The following ZNF385D variants were observed in gnomAD, a reference collection of about 807,000 sequenced individuals.
ZNF385D encodes zinc finger protein 659.
Under a neutral mutation model 35.8 loss-of-function variants are expected in ZNF385D, and 15 were observed. That is an observed-to-expected ratio of 0.42 (90% CI 0.28 to 0.64). The LOEUF (loss-of-function observed/expected upper bound fraction) is 0.64, where lower values mean the gene tolerates loss of function less well. ZNF385D is among the 30% of genes least tolerant of loss of function. The probability of loss-of-function intolerance (pLI) is 0.23; values close to 1 mark genes in which losing one functional copy is unlikely to be tolerated. For missense variants in ZNF385D, 474 were observed against 494.6 expected (o/e 0.96, Z 0.39); for synonymous variants, 212 against 186.8 (o/e 1.13, Z -1.10).
chr3:22,100,241 T>C (rs1342576225), intron 3 of ZNF385D, among the ~76,000 whole-genome samples: 3 of 144,110 alleles, frequency 2.1e-5, no homozygotes, highest in Non-Finnish European at 4.5e-5. Flanking sequence ...GGTGGGACTG[T>C]AAACTAGTTC....
At chr3:21,933,620 T>C (rs1701119849) in intron 3 of ZNF385D, among the ~76,000 whole-genome samples, 1 of 152,166 alleles carries the variant, frequency 6.6e-6, no homozygotes, top group Non-Finnish European at 1.5e-5. Context: ...TTACTTTATA[T>C]TTGAGAAAAG....
intron 1 of ZNF385D, among the ~76,000 whole-genome samples, chr3:21,685,481 A>G (rs1429617125): frequency 6.6e-6 from 1 of 152,156 alleles, no homozygotes; most frequent in Non-Finnish European, 1.5e-5. Flanking sequence ...TTACATCTAC[A>G]TCACAGGTTT....
intron 3 of ZNF385D, among the ~76,000 whole-genome samples, chr3:21,784,901 A>G (rs1374059830): frequency 6.6e-6 from 1 of 152,032 alleles, no homozygotes; most frequent in East Asian, 1.9e-4. Context: ...TTTATCATGG[A>G]CTTTTTTGCA....
At chr3:21,519,319 A>C (rs931265628) in intron 3 of ZNF385D, among the ~76,000 whole-genome samples, 4 of 152,166 alleles carry the variant, frequency 2.6e-5, no homozygotes, top group Admixed American at 1.3e-4. Flanking sequence ...ATGGCTGTGA[A>C]AAAAATAGTC....
rs2062117074 is a variant in ZNF385D, at chr3:21,539,346, C to T, written c.276+25228G>A. 6.6e-6 allele frequency among the ~76,000 whole-genome samples: 1 copy of T among 152,134 alleles called. No homozygotes were observed. Among genetic ancestry groups the T allele is most frequent in the East Asian group, 1.9e-4 (1 of 5,196 alleles). On this transcript the variant is annotated intron_variant, in intron 3 of 7. Coordinates refer to ENST00000281523, the MANE Select transcript of ZNF385D (RefSeq NM_024697.3). This position sits in a 1 kb window ranked among gnomAD's most constrained non-coding sequence, Gnocchi z 4.0. Reference sequence around the variant, plus strand: ...TTTGTTTCACGGATTAAATTAAGAACCAATAATATCTAAATGCTGGTATCA... The same window carrying T: ...TTTGTTTCACGGATTAAATTAAGAATCAATAATATCTAAATGCTGGTATCA...
At chr3:21,705,398 G>A (rs955172197) in intron 1 of ZNF385D, among the ~76,000 whole-genome samples, 1 of 152,180 alleles carries the variant, frequency 6.6e-6, no homozygotes, top group Non-Finnish European at 1.5e-5. Flanking sequence ...TTTAAAGAAT[G>A]TTTTCTTATA....
chr3:21,992,825 G>A (rs752293803), intron 3 of ZNF385D, among the ~76,000 whole-genome samples: 1 of 151,986 alleles, frequency 6.6e-6, no homozygotes, highest in East Asian at 1.9e-4. Context: ...CAGATATTTT[G>A]AATTATTTGC....
intron 3 of ZNF385D, among the ~76,000 whole-genome samples, chr3:21,808,843 T>G (rs1209488438): frequency 6.6e-6 from 1 of 152,214 alleles, no homozygotes; most frequent in Non-Finnish European, 1.5e-5. Flanking sequence ...TGTGGAACAC[T>G]GCTTAAGTCT....
At chr3:21,509,267 C>T (rs1338297318) in intron 4 of ZNF385D, among the ~76,000 whole-genome samples, 2 of 152,172 alleles carry the variant, frequency 1.3e-5, no homozygotes, top group Non-Finnish European at 2.9e-5. Context: ...TTACATCAAA[C>T]TCATCTCTTT....
At chr3:22,291,191 A>C (rs1193355197) in intron 2 of ZNF385D, among the ~76,000 whole-genome samples, 2 of 152,146 alleles carry the variant, frequency 1.3e-5, no homozygotes, top group Non-Finnish European at 2.9e-5. Context: ...TTACTTTCTG[A>C]TTTCTCCTTC....
chr3:22,359,215 T>A (rs1039229695), intron 2 of ZNF385D, among the ~76,000 whole-genome samples: 1 of 151,846 alleles, frequency 6.6e-6, no homozygotes, highest in African/African-American at 2.4e-5. Context: ...CATCATTAGT[T>A]AATGCTGGGA....
chr3:21,900,360 A>G (rs796707911), intron 3 of ZNF385D, among the ~76,000 whole-genome samples: 18 of 152,258 alleles, frequency 1.2e-4, no homozygotes, highest in African/African-American at 4.1e-4. Context: ...TTTCAGATCA[A>G]TGGAAGAAAG....
chr3:21,446,072 G>A (rs60033244), intron 4 of ZNF385D, among the ~76,000 whole-genome samples: 2,091 of 152,222 alleles, frequency 0.014, 50 homozygotes, highest in African/African-American at 0.048. Flanking sequence ...AACACAGACT[G>A]CCCAGCCCCA....
rs1431957186 is a variant in ZNF385D, at chr3:21,594,823, A to G, written c.166-30139T>C. On this transcript the variant is annotated intron_variant, in intron 2 of 7. Transcript: ENST00000281523. ...ATGACCCATAAACCCATGACCTGGGATATAACTTCCCTTTATAATGAGCTG... is the reference window on the plus strand; with the variant it reads ...ATGACCCATAAACCCATGACCTGGGGTATAACTTCCCTTTATAATGAGCTG... Among the ~76,000 whole-genome samples the G allele has an allele frequency of 2.6e-5, 4 of 152,176 alleles. No homozygotes were observed. The East Asian group carries it at 7.7e-4, about 29-fold the overall frequency.
At chr3:22,019,372 T>C (rs1298474015) in intron 3 of ZNF385D, among the ~76,000 whole-genome samples, 1 of 151,952 alleles carries the variant, frequency 6.6e-6, no homozygotes, top group Admixed American at 6.6e-5. Flanking sequence ...CACATAGATT[T>C]CAGGACAGAC....
intron 2 of ZNF385D, among the ~76,000 whole-genome samples, chr3:22,293,400 A>G (rs1336425806): frequency 6.6e-6 from 1 of 151,980 alleles, no homozygotes; most frequent in African/African-American, 2.4e-5. Context: ...TCTTCTTTTT[A>G]ATTTAGAAAC....
At chr3:22,287,654 C>T (rs1702094286) in intron 2 of ZNF385D, among the ~76,000 whole-genome samples, 1 of 151,888 alleles carries the variant, frequency 6.6e-6, no homozygotes, top group East Asian at 1.9e-4. Flanking sequence ...CCCATAACCC[C>T]CAGCATTTTA....
intron 1 of ZNF385D, among the ~76,000 whole-genome samples, chr3:21,705,607 C>G (rs1053368996): frequency 6.6e-6 from 1 of 152,140 alleles, no homozygotes; most frequent in Non-Finnish European, 1.5e-5. Flanking sequence ...CCTCAAAGGT[C>G]ATTTCTTAAT....
At chr3:22,215,726 T>A (rs1234053157) in intron 2 of ZNF385D, among the ~76,000 whole-genome samples, 2 of 151,842 alleles carry the variant, frequency 1.3e-5, no homozygotes, top group Non-Finnish European at 2.9e-5. Flanking sequence ...TTGTGAAGCA[T>A]GTGATCTCTG....
Sources: gnomAD v4.1 joint callset for allele counts (sites outside exome capture counted in the v4.1 genomes callset) on GRCh38, gnomAD v4.1.1 for gene constraint, Gnocchi (gnomAD v3.1) non-coding constraint, MANE v1.5 for transcripts, NCBI Gene and HGNC (gene_info 2026-07-23, HGNC 2026-07-21) for gene names.